Variants in SLC35F1 observed in about 807,000 individuals in gnomAD.
SLC35F1 encodes solute carrier family 35 member F1, also known as chromosome 6 open reading frame 169.
In SLC35F1, 14 loss-of-function variants were observed where a neutral mutation model predicts 48.7. The ratio of observed to expected loss-of-function variants is 0.29; its 90% CI spans 0.19 to 0.45. The LOEUF (loss-of-function observed/expected upper bound fraction) is 0.45. Ranked by LOEUF, SLC35F1 falls within the 20% of genes least tolerant of loss-of-function variation. The pLI, the probability that SLC35F1 is intolerant of heterozygous loss-of-function variation, is 1.00. For synonymous variants in SLC35F1, 190 were observed against 202.2 expected (o/e 0.94, Z 0.51); for missense variants, 404 against 500.0 (o/e 0.81, Z 1.83).
intron 3 of SLC35F1, among the ~76,000 whole-genome samples, chr6:118,254,247 G>A (rs73530044): frequency 0.014 from 2,083 of 152,248 alleles, 34 homozygotes; most frequent in African/African-American, 0.036. Flanking sequence ...TTCAATAAAT[G>A]TCTTTTGGAT....
At chr6:118,199,697 G>A (rs1774848287) in intron 2 of SLC35F1, among the ~76,000 whole-genome samples, 1 of 152,060 alleles carries the variant, frequency 6.6e-6, no homozygotes, top group African/African-American at 2.4e-5. Flanking sequence ...AATGTCTACA[G>A]GGAAATAATC....
At chr6:118,271,244 T>C (rs1364690795) in intron 4 of SLC35F1, among the ~76,000 whole-genome samples, 1 of 152,264 alleles carries the variant, frequency 6.6e-6, no homozygotes, top group South Asian at 2.1e-4. Flanking sequence ...TCAGAGAAGA[T>C]AAGCAATATG....
At chr6:117,987,984 C>T (rs1582602417) in intron 1 of SLC35F1, among the ~76,000 whole-genome samples, 1 of 152,048 alleles carries the variant, frequency 6.6e-6, no homozygotes, top group East Asian at 1.9e-4. Context: ...AGCGGTGGGC[C>T]ATTCATAAAG....
At chr6:117,992,819 G>A (rs908543787) in intron 1 of SLC35F1, among the ~76,000 whole-genome samples, 1 of 152,192 alleles carries the variant, frequency 6.6e-6, no homozygotes, top group Non-Finnish European at 1.5e-5. Context: ...GCAGTCATCA[G>A]TATCTCTGAA....
At position 118,037,865 on chromosome 6, in the gene SLC35F1, G is replaced by A. The variant is rs9320633; in HGVS notation, c.174-116580G>A. Among the ~76,000 whole-genome samples the A allele has an allele frequency of 3.7e-3, 559 of 150,160 alleles. 4 individuals carry two copies. Among genetic ancestry groups the A allele is most frequent in the African/African-American group, 0.013 (522 of 40,860 alleles). ...AGGGGAACATCACACACTGGGGCCT[G>A]TTGGGGGGTGGGGGGCAAGAGGAGG... On this transcript the variant is annotated intron_variant, in intron 1 of 7. Coordinates refer to ENST00000360388, the MANE Select transcript of SLC35F1 (RefSeq NM_001029858.4).
intron 3 of SLC35F1, among the ~76,000 whole-genome samples, chr6:118,253,439 G>A (rs1460201907): frequency 6.6e-6 from 1 of 152,164 alleles, no homozygotes; most frequent in Non-Finnish European, 1.5e-5. Flanking sequence ...GAATCGAGGT[G>A]TTGAATGGAT....
chr6:118,195,396 G>A (rs1033102704), intron 2 of SLC35F1, among the ~76,000 whole-genome samples: 1 of 152,110 alleles, frequency 6.6e-6, no homozygotes, highest in African/African-American at 2.4e-5. Flanking sequence ...GCTCCTCCCT[G>A]GGTCTAATGT....
At chr6:118,095,145 A>G (rs1233498608) in intron 1 of SLC35F1, among the ~76,000 whole-genome samples, 1 of 152,150 alleles carries the variant, frequency 6.6e-6, no homozygotes, top group Non-Finnish European at 1.5e-5. Flanking sequence ...AAGAAAAGAG[A>G]AGGCGGATAA....
At chr6:118,128,004 A>G (rs1448770848) in intron 1 of SLC35F1, among the ~76,000 whole-genome samples, 4 of 152,062 alleles carry the variant, frequency 2.6e-5, no homozygotes, top group African/African-American at 9.7e-5. Flanking sequence ...GGCAAAGGAT[A>G]TGAACAGACA....
chr6:118,124,647 G>A (rs1330771022), intron 1 of SLC35F1, among the ~76,000 whole-genome samples: 1 of 152,146 alleles, frequency 6.6e-6, no homozygotes, highest in African/African-American at 2.4e-5. Context: ...ATGTCCCAGG[G>A]TGACCTATCA....
At chr6:117,930,446 AG>A (rs1408055465) in intron 1 of SLC35F1, among the ~76,000 whole-genome samples, 2 of 152,182 alleles carry the variant, frequency 1.3e-5, no homozygotes, top group Non-Finnish European at 2.9e-5. Context: ...CCCTGTTTTT[AG>A]GGCTTGAAAG....
Position 118,314,168 on chromosome 6 carries a change from G to A in SLC35F1, c.1143G>A (p.Pro381=), listed in dbSNP as rs41291934. ...CTTCAGGACCTGTTGTGGACTTACCGACCACAGCTCAGGTGGAACCCTCAG... is the reference window on the plus strand; with the variant it reads ...CTTCAGGACCTGTTGTGGACTTACCAACCACAGCTCAGGTGGAACCCTCAG... ...RNPSGPVVDL[P]TTAQVEPSVT... Residue 381 remains proline, a synonymous_variant, in exon 8 of 8, where the codon CCG becomes CCA. Coordinates refer to ENST00000360388, the MANE Select transcript of SLC35F1 (RefSeq NM_001029858.4). The A allele has an allele frequency of 0.011, 18,104 of 1,614,048 alleles. 143 individuals carry two copies. Among genetic ancestry groups the A allele is most frequent in the South Asian group, 0.015 (1,376 of 91,052 alleles).
At chr6:117,926,726 C>T (rs1432481118) in intron 1 of SLC35F1, among the ~76,000 whole-genome samples, 1 of 152,040 alleles carries the variant, frequency 6.6e-6, no homozygotes, top group Admixed American at 6.6e-5. Flanking sequence ...CCAGATCATG[C>T]AGGGCTTTGG....
chr6:118,289,066 A>G (rs761211280), intron 7 of SLC35F1, among the ~76,000 whole-genome samples: 30 of 152,108 alleles, frequency 2.0e-4, no homozygotes, highest in Non-Finnish European at 1.0e-4. Flanking sequence ...TAAATTTGTC[A>G]TTTCAAAATG....
chr6:118,100,500 T>C (rs1773241305), intron 1 of SLC35F1, among the ~76,000 whole-genome samples: 1 of 152,156 alleles, frequency 6.6e-6, no homozygotes, highest in Non-Finnish European at 1.5e-5. Context: ...CTCAGGAAAG[T>C]GCTATTCTTG....
intron 2 of SLC35F1, among the ~76,000 whole-genome samples, chr6:118,227,776 T>C (rs1308442004): frequency 2.6e-5 from 4 of 151,938 alleles, no homozygotes; most frequent in African/African-American, 9.7e-5. Context: ...TGGGAAGGGG[T>C]GGCAGAGAAT....
chr6:117,984,115 A>T (rs1275692707), intron 1 of SLC35F1, among the ~76,000 whole-genome samples: 1 of 152,226 alleles, frequency 6.6e-6, no homozygotes, highest in East Asian at 1.9e-4. Context: ...CACAACTATC[A>T]AATATATAAC....
At position 118,291,946 on chromosome 6, in the gene SLC35F1, C is replaced by T. The variant is rs1359254473; in HGVS notation, c.1002+6608C>T. 9.9e-5 allele frequency among the ~76,000 whole-genome samples: 15 copies of T among 151,878 alleles called. 1 individual carries two copies. Among genetic ancestry groups the T allele is most frequent in the African/African-American group, 3.4e-4 (14 of 41,346 alleles). Reference sequence around the variant, plus strand: ...CAGCCTGGCCAACATTGTGAAACTCCGTCTCTACTAAAAATACAAAAATTA... The same window carrying T: ...CAGCCTGGCCAACATTGTGAAACTCTGTCTCTACTAAAAATACAAAAATTA... On this transcript the variant is annotated intron_variant, in intron 7 of 7. Transcript: ENST00000360388.
intron 1 of SLC35F1, among the ~76,000 whole-genome samples, chr6:117,913,415 T>C (rs533141636): frequency 6.6e-6 from 1 of 152,370 alleles, no homozygotes; most frequent in African/African-American, 2.4e-5. Context: ...ACTGGGAAAC[T>C]TGACATGTGT....
Sources: allele counts gnomAD v4.1 joint callset (sites outside exome capture counted in the v4.1 genomes callset), GRCh38; gene constraint gnomAD v4.1.1; transcripts MANE v1.5; gene names NCBI Gene and HGNC (gene_info 2026-07-23, HGNC 2026-07-21).